Variants in PLEKHA5 observed in about 807,000 individuals in gnomAD.
PLEKHA5 encodes the protein pleckstrin homology domain-containing family A member 5.
Under a neutral mutation model 181.9 loss-of-function variants are expected in PLEKHA5, and 55 were observed. The observed-to-expected ratio is 0.30, with a 90% confidence interval of 0.24 to 0.38. The LOEUF is 0.38. Among genes scored for constraint, PLEKHA5 ranks in the 10% least tolerant of loss-of-function variants. The pLI is 1.00. For missense variants in PLEKHA5, 1,432 were observed against 1,549.5 expected, an observed-to-expected ratio of 0.92 and a Z score of 1.27; for synonymous variants, 535 against 529.4, an observed-to-expected ratio of 1.01 and a Z score of -0.15.
At chr12:19,147,596 CTTTTTTTT>C (rs71064060) in intron 3 of PLEKHA5, among the ~76,000 whole-genome samples, 8 of 137,612 alleles carry the variant, frequency 5.8e-5, no homozygotes, top group African/African-American at 1.8e-4. Context: ...TTTCTTTTTT[CTTTTTTTT>C]TTTTTTTGGC....
chr12:19,290,696 T>TGCTAATAAA lies in PLEKHA5; in HGVS notation c.1887_1895dup (p.Ile630_Leu632dup). On this transcript the variant is annotated inframe_insertion, in exon 14 of 32. Coordinates refer to ENST00000429027, the MANE Select transcript of PLEKHA5 (RefSeq NM_001256470.2). ...CTTCAGCCAGAGGAGCTTACGCTGC[T>TGCTAATAAA]GCTAATAAAGCTGAGACGGCAGCAA... is the stretch of plus-strand genomic sequence containing the variant. The TGCTAATAAA allele has an allele frequency of 6.5e-7, 1 of 1,534,914 alleles. No individual in the cohort carries two copies. The highest frequency in any genetic ancestry group is 8.7e-7 in the Non-Finnish European group (1 of 1,145,912).
intron 3 of PLEKHA5, among the ~76,000 whole-genome samples, 160 bp from the exon 4 acceptor site, chr12:19,253,780 A>C (rs2066072015): frequency 6.6e-6 from 1 of 152,094 alleles, no homozygotes; most frequent in Non-Finnish European, 1.5e-5. Context: ...AGAATGCGCC[A>C]TTGCACTCCA....
At chr12:19,365,935 A>G (rs1452574357) in intron 29 of PLEKHA5, 29 bp from the exon 30 acceptor site, 2 of 1,551,236 alleles carry the variant, frequency 1.3e-6, no homozygotes. Flanking sequence ...ATAGTGACAA[A>G]TTTTTAAATA....
intron 3 of PLEKHA5, among the ~76,000 whole-genome samples, chr12:19,145,910 A>G (rs532296883): frequency 6.6e-6 from 1 of 152,350 alleles, no homozygotes; most frequent in East Asian, 1.9e-4. Context: ...ATGTGCAATC[A>G]TAATATTGAA....
At chr12:19,242,531 A>T (rs2062848014) in intron 3 of PLEKHA5, among the ~76,000 whole-genome samples, 3 of 152,058 alleles carry the variant, frequency 2.0e-5, no homozygotes, top group Non-Finnish European at 4.4e-5. Flanking sequence ...GTGAGCCACC[A>T]CACCCAGCCC....
intron 26 of PLEKHA5, among the ~76,000 whole-genome samples, chr12:19,355,333 A>G (rs1467264197): frequency 6.8e-6 from 1 of 147,812 alleles, no homozygotes; most frequent in Non-Finnish European, 1.5e-5. Flanking sequence ...CATATAAGAT[A>G]TATGGCTAGT....
chr12:19,287,197 T>C (rs1565569764), intron 12 of PLEKHA5, among the ~76,000 whole-genome samples: 1 of 151,972 alleles, frequency 6.6e-6, no homozygotes, highest in African/African-American at 2.4e-5. Flanking sequence ...AAGGACAGGG[T>C]TTCACCATGT....
chr12:19,326,519 A>T (rs1237822896), intron 20 of PLEKHA5, among the ~76,000 whole-genome samples: 1 of 152,204 alleles, frequency 6.6e-6, no homozygotes, highest in African/African-American at 2.4e-5. Context: ...ACAAAAGTAC[A>T]CAAAACTAGG....
intron 10 of PLEKHA5, among the ~76,000 whole-genome samples, chr12:19,271,925 T>A (rs1729030334): frequency 6.6e-6 from 1 of 152,240 alleles, no homozygotes; most frequent in Admixed American, 6.5e-5. Context: ...TATCCCACTC[T>A]ATTAGATTTA....
At chr12:19,136,573 T>G (rs534698127) in intron 3 of PLEKHA5, among the ~76,000 whole-genome samples, 3 of 152,286 alleles carry the variant, frequency 2.0e-5, no homozygotes, top group East Asian at 3.9e-4. Context: ...TTAAAATGGA[T>G]GTGTCATTTA....
At position 19,366,068 on chromosome 12, in the gene PLEKHA5, A is replaced by C. The variant is rs140107046; in HGVS notation, c.3713A>C (p.Glu1238Ala). The change falls in exon 30 of 32, where the codon GAA becomes GCA. Residue 1238 changes from glutamate to alanine, a missense_variant. Around this residue, in one of 2 missense-constraint regions of PLEKHA5, gnomAD observed 1,143 missense variants for 1,168.4 expected, o/e 0.98. Coordinates refer to ENST00000429027, the MANE Select transcript of PLEKHA5 (RefSeq NM_001256470.2). ...DEQEETVISY[E>A]STPEVSRGNQ... ...CAGGAAGAAACTGTTATTTCTTACGAATCAACTCCTGAGGTTTCTAGAGGA... is the reference window on the plus strand; with the variant it reads ...CAGGAAGAAACTGTTATTTCTTACGCATCAACTCCTGAGGTTTCTAGAGGA... 324 of 1,612,322 alleles carry C rather than the reference A, an allele frequency of 2.0e-4. No individual in the cohort carries two copies. In the African/African-American group the frequency reaches 4.0e-3, roughly 20 times the overall value.
At chr12:19,319,713 G>C in intron 16 of PLEKHA5, 1 of 192,830 alleles carries the variant, frequency 5.2e-6, no homozygotes. Flanking sequence ...AGTATTGCCT[G>C]CAGAGGCTGT....
chr12:19,344,834 C>T (rs572460143), intron 22 of PLEKHA5, among the ~76,000 whole-genome samples: 2 of 151,940 alleles, frequency 1.3e-5, no homozygotes, highest in South Asian at 4.2e-4. Context: ...ATCGGCCAGG[C>T]GTGGTTGCTC....
intron 3 of PLEKHA5, among the ~76,000 whole-genome samples, chr12:19,218,374 A>G (rs2058358125): frequency 6.6e-6 from 1 of 152,234 alleles, no homozygotes; most frequent in Admixed American, 6.5e-5. Flanking sequence ...GTAATTTAAA[A>G]AAGTCAAAGA....
At position 19,145,226 on chromosome 12, in the gene PLEKHA5, C is replaced by T. The variant is rs1053807932; in HGVS notation, c.227+12776C>T. ...AGAGACAGAGATTTTATGTGCTTGA[C>T]TGAACTGTCGATTTGACCTTTGGAC... On this transcript the variant is annotated intron_variant, in intron 3 of 31. Transcript: ENST00000429027. Among the ~76,000 whole-genome samples, 21 of 152,150 alleles carry T rather than the reference C, an allele frequency of 1.4e-4. No homozygotes were observed. In the East Asian group the frequency reaches 2.5e-3, roughly 18 times the overall value.
chr12:19,253,032 GT>G (rs1317295164), intron 3 of PLEKHA5, among the ~76,000 whole-genome samples: 1 of 130,478 alleles, frequency 7.7e-6, no homozygotes, highest in African/African-American at 2.7e-5. Flanking sequence ...TTACAATGCA[GT>G]GTAAAGAGCT....
chr12:19,275,767 T>TA (rs879288290), intron 11 of PLEKHA5, among the ~76,000 whole-genome samples: 43 of 147,806 alleles, frequency 2.9e-4, no homozygotes, highest in African/African-American at 5.2e-4. Context: ...AACCCAACTC[T>TA]AAAAAAAAAA....
At chr12:19,257,662 T>C (rs543200458) in intron 6 of PLEKHA5, 125 bp downstream of exon 6, 1 of 616,958 alleles carries the variant, frequency 1.6e-6, no homozygotes, top group African/African-American at 1.9e-5. Context: ...GCCACCCAGG[T>C]TATTTGACTG....
intron 3 of PLEKHA5, among the ~76,000 whole-genome samples, chr12:19,251,544 C>T (rs1339579959): frequency 6.6e-6 from 1 of 151,760 alleles, no homozygotes; most frequent in African/African-American, 2.4e-5. Context: ...TTGTGTATTC[C>T]TACATGGCTG....
Sources: gnomAD v4.1 joint callset for allele counts (sites outside exome capture counted in the v4.1 genomes callset) on GRCh38, gnomAD v4.1.1 for gene constraint, gnomAD v4.1.1 regional missense constraint, MANE v1.5 for transcripts, NCBI Gene and HGNC (gene_info 2026-07-23, HGNC 2026-07-21) for gene names.